The following ANXA8 variants were observed in gnomAD, a reference collection of about 807,000 sequenced individuals.
The protein encoded by ANXA8 is VAC-beta.
Under a neutral mutation model 26.8 loss-of-function variants are expected in ANXA8, and 9 were observed. That is an observed-to-expected ratio of 0.34 (90% CI 0.20 to 0.59). ANXA8 has a LOEUF of 0.59. ANXA8 is among the 20% of genes least tolerant of loss of function. ANXA8 has a pLI of 0.84. For synonymous variants in ANXA8, 39 were observed against 94.8 expected (o/e 0.41, Z 3.42); for missense variants, 83 against 238.5 (o/e 0.35, Z 4.29).
At chr10:47,682,563 G>A in the ANXA8 span, among the ~76,000 whole-genome samples, 6 of 147,384 alleles carry the variant, frequency 4.1e-5, no homozygotes, top group African/African-American at 1.0e-4. Context: ...TCCACCTCCC[G>A]GGTTCAAGCG....
chr10:47,706,031 C>G, the ANXA8 span, among the ~76,000 whole-genome samples: 2 of 152,006 alleles, frequency 1.3e-5, no homozygotes, highest in Admixed American at 6.5e-5. Context: ...GCCGCGCGGT[C>G]GGTTCCGGGC....
At chr10:47,559,142 C>CTTTTTTTTTTTTTTTTTTTTTTTTTTTTT in the ANXA8 span, among the ~76,000 whole-genome samples, 1 of 73,312 alleles carries the variant, frequency 1.4e-5, no homozygotes, top group Non-Finnish European at 2.5e-5. Flanking sequence ...TGGAGTCTTA[C>CTTTTTTTTTTTTTTTTTTTTTTTTTTTTT]TTTTTTTTTT....
the ANXA8 span, among the ~76,000 whole-genome samples, chr10:47,693,094 A>G: frequency 6.6e-6 from 1 of 151,708 alleles, no homozygotes; most frequent in African/African-American, 2.4e-5. Context: ...TTGATTTAAA[A>G]TTGACACATG....
the ANXA8 span, among the ~76,000 whole-genome samples, chr10:47,577,091 G>A: frequency 6.7e-6 from 1 of 148,620 alleles, no homozygotes; most frequent in Admixed American, 6.7e-5. Flanking sequence ...GCTGGGCATG[G>A]TGGCATGTAC....
intron 11 of ANXA8, among the ~76,000 whole-genome samples, chr10:47,469,806 T>G (rs1306304636): frequency 2.6e-5 from 4 of 151,578 alleles, no homozygotes; most frequent in Admixed American, 1.3e-4. Flanking sequence ...TTGTCTACTT[T>G]TCACCATTTA....
the ANXA8 span, among the ~76,000 whole-genome samples, chr10:47,647,525 A>G: frequency 2.0e-5 from 3 of 149,862 alleles, no homozygotes; most frequent in South Asian, 2.1e-4. Context: ...CAGGAGTTCT[A>G]TATAGATAGA....
the ANXA8 span, among the ~76,000 whole-genome samples, chr10:47,973,778 A>G: frequency 6.6e-6 from 1 of 151,160 alleles, no homozygotes; most frequent in East Asian, 1.9e-4. Context: ...CCGTTAGAAA[A>G]CCAAAAATGA....
chr10:47,974,024 T>C, the ANXA8 span, among the ~76,000 whole-genome samples: 1 of 150,812 alleles, frequency 6.6e-6, no homozygotes, highest in Non-Finnish European at 1.5e-5. Context: ...CAGGAATTTA[T>C]CCATTTCCTC....
In ANXA8 at chr10:47,475,021, T is replaced by C; in HGVS notation, c.493-17A>G. The C allele has an allele frequency of 6.5e-7, 1 of 1,533,354 alleles. No homozygotes were observed. Among genetic ancestry groups the C allele is most frequent in the Non-Finnish European group, 8.8e-7 (1 of 1,132,248 alleles). 95.0% of individuals were successfully genotyped at this position (1,533,354 alleles called of 1,614,324 possible). A position where few individuals can be genotyped will look rare whatever the true frequency, so the allele number is the denominator to read the frequency against. ...CCTGCTGCCCTAGGAACAGAGGAGG[T>C]GGCTCTGTAAGGCAGGCCAGCTGAC... On this transcript the variant is annotated splice_polypyrimidine_tract_variant and intron_variant, in intron 6 of 11. Coordinates refer to ENST00000585281, the MANE Select transcript of ANXA8 (RefSeq NM_001040084.3).
chr10:47,704,734 G>C, the ANXA8 span, among the ~76,000 whole-genome samples: 1 of 151,958 alleles, frequency 6.6e-6, no homozygotes, highest in Non-Finnish European at 1.5e-5. Context: ...CATTTCTAGA[G>C]TAGAGCGACT....
chr10:47,968,605 G>A, the ANXA8 span, among the ~76,000 whole-genome samples: 2 of 140,568 alleles, frequency 1.4e-5, no homozygotes, highest in African/African-American at 5.0e-5. Flanking sequence ...AAAGTTTCCA[G>A]AACCACTTCG....
chr10:47,749,665 C>T, the ANXA8 span, among the ~76,000 whole-genome samples: 1 of 148,400 alleles, frequency 6.7e-6, no homozygotes, highest in African/African-American at 2.5e-5. Flanking sequence ...TAAGTAAAAC[C>T]AATGGTAGGG....
chr10:47,666,575 C>G, the ANXA8 span, among the ~76,000 whole-genome samples: 1 of 151,990 alleles, frequency 6.6e-6, no homozygotes, highest in Non-Finnish European at 1.5e-5. Flanking sequence ...TTCTTTTTCC[C>G]TCTAATTCAT....
At chr10:47,702,942 T>C in the ANXA8 span, among the ~76,000 whole-genome samples, 1 of 149,938 alleles carries the variant, frequency 6.7e-6, no homozygotes, top group Non-Finnish European at 1.5e-5. Flanking sequence ...CCAACATAGT[T>C]CTCTAATGAA....
chr10:47,671,456 A>G, the ANXA8 span, among the ~76,000 whole-genome samples: 6 of 151,216 alleles, frequency 4.0e-5, no homozygotes, highest in Admixed American at 3.3e-4. Context: ...ACAAAACAAA[A>G]CCGACTATAT....
chr10:47,693,447 G>A, the ANXA8 span, among the ~76,000 whole-genome samples: 2 of 151,612 alleles, frequency 1.3e-5, no homozygotes, highest in African/African-American at 4.8e-5. Context: ...CTGCCACCGC[G>A]CGCGGCTAAT....
the ANXA8 span, among the ~76,000 whole-genome samples, chr10:47,591,640 G>A: frequency 1.4e-5 from 2 of 142,780 alleles, no homozygotes; most frequent in Non-Finnish European, 3.0e-5. Context: ...TAGAGACGGG[G>A]TTTCACTGTG....
At chr10:47,706,003 T>G in the ANXA8 span, among the ~76,000 whole-genome samples, 3 of 146,280 alleles carry the variant, frequency 2.1e-5, no homozygotes, top group Admixed American at 6.7e-5. Flanking sequence ...GGGCGTGTTG[T>G]GGGGGGGGAG....
chr10:47,564,895 C>T, the ANXA8 span: 4 of 1,482,204 alleles, frequency 2.7e-6, no homozygotes, highest in Non-Finnish European at 3.8e-6. Context: ...TGCGGGTCCC[C>T]ATCAACGACA....
Sources: allele counts gnomAD v4.1 joint callset (sites outside exome capture counted in the v4.1 genomes callset), GRCh38; gene constraint gnomAD v4.1.1; transcripts MANE v1.5; gene names NCBI Gene and HGNC (gene_info 2026-07-23, HGNC 2026-07-21).